STK38L: variants seen among roughly 807,000 people sequenced by gnomAD.
STK38L encodes serine/threonine-protein kinase 38-like.
Under a neutral mutation model 59.7 loss-of-function variants are expected in STK38L, and 28 were observed. The ratio of observed to expected loss-of-function variants is 0.47; its 90% confidence interval spans 0.35 to 0.64. The LOEUF (loss-of-function observed/expected upper bound fraction) is 0.64, where lower values mean the gene tolerates loss of function less well. Ranked by LOEUF, STK38L falls within the 30% of genes least tolerant of loss-of-function variation. The pLI is 0.01. For missense variants in STK38L, 314 were observed against 555.8 expected, an observed-to-expected ratio of 0.56 and a Z score of 4.37; for synonymous variants, 162 against 176.8, an observed-to-expected ratio of 0.92 and a Z score of 0.66.
chr12:27,300,978 A>C (rs1402635438), intron 2 of STK38L, among the ~76,000 whole-genome samples: 2 of 152,216 alleles, frequency 1.3e-5, no homozygotes, highest in Non-Finnish European at 2.9e-5. Context: ...CTGAAAAGTT[A>C]CTGTTATTCT....
At chr12:27,261,101 ACTTC>A (rs1314610676) in intron 1 of STK38L, among the ~76,000 whole-genome samples, 2 of 152,156 alleles carry the variant, frequency 1.3e-5, no homozygotes, top group African/African-American at 4.8e-5. Flanking sequence ...GTTTCCCAGT[ACTTC>A]CATTTATCAT....
chr12:27,246,683 TCTTC>T, intron 1 of STK38L, among the ~76,000 whole-genome samples: 1 of 152,326 alleles, frequency 6.6e-6, no homozygotes, highest in Non-Finnish European at 1.5e-5. Context: ...ATCCTCCTCT[TCTTC>T]CCCCCAAAAT....
At chr12:27,287,522 G>A (rs1943800665) in intron 1 of STK38L, among the ~76,000 whole-genome samples, 1 of 152,156 alleles carries the variant, frequency 6.6e-6, no homozygotes, top group Admixed American at 6.5e-5. Flanking sequence ...TTTGTAGAAT[G>A]AAATGTAGCA....
At chr12:27,315,485 C>T (rs557329948) in intron 9 of STK38L, 135 bp downstream of exon 9, 1 of 696,816 alleles carries the variant, frequency 1.4e-6, no homozygotes, top group East Asian at 2.9e-5. Context: ...TGGGATCACA[C>T]AGTTTTCTTA....
At chr12:27,271,825 G>A (rs1943430229) in intron 1 of STK38L, among the ~76,000 whole-genome samples, 2 of 152,120 alleles carry the variant, frequency 1.3e-5, no homozygotes, top group East Asian at 3.9e-4. Context: ...TCAGCCTCCC[G>A]AGTAGCTGGG....
intron 5 of STK38L, among the ~76,000 whole-genome samples, chr12:27,310,283 G>A (rs959966758): frequency 2.6e-5 from 4 of 152,100 alleles, no homozygotes; most frequent in African/African-American, 4.8e-5. Context: ...GAGAACTATA[G>A]ATAATGATGG....
intron 3 of STK38L, among the ~76,000 whole-genome samples, chr12:27,304,714 A>T (rs1669323215): frequency 6.6e-6 from 1 of 152,090 alleles, no homozygotes; most frequent in South Asian, 2.1e-4. Context: ...TTGATATAGA[A>T]ATCTTAAACA....
chr12:27,257,106 C>G (rs889745010), intron 1 of STK38L, among the ~76,000 whole-genome samples: 20 of 152,298 alleles, frequency 1.3e-4, no homozygotes, highest in Non-Finnish European at 2.2e-4. Flanking sequence ...GATGGAGAGA[C>G]TGACACAAAA....
At chr12:27,294,130 C>T (rs1943955993) in intron 1 of STK38L, among the ~76,000 whole-genome samples, 1 of 152,196 alleles carries the variant, frequency 6.6e-6, no homozygotes, top group Non-Finnish European at 1.5e-5. Flanking sequence ...CTATGAACTG[C>T]AATTTTATAT....
intron 3 of STK38L, among the ~76,000 whole-genome samples, chr12:27,306,748 CACACAT>C (rs1053301947): frequency 3.3e-5 from 5 of 150,014 alleles, no homozygotes; most frequent in African/African-American, 1.2e-4. Flanking sequence ...CACACACACA[CACACAT>C]ATATTTGAGA....
At chr12:27,300,703 A>T in intron 2 of STK38L, 1 of 440,664 alleles carries the variant, frequency 2.3e-6, no homozygotes, top group Non-Finnish European at 4.6e-6. Flanking sequence ...AAATCAGTGT[A>T]ATAAGCACCA....
chr12:27,259,333 C>G (rs921308421), intron 1 of STK38L, among the ~76,000 whole-genome samples: 6 of 152,160 alleles, frequency 3.9e-5, no homozygotes, highest in African/African-American at 9.7e-5. Context: ...AATTCCCATG[C>G]AGGCTCACAG....
intron 1 of STK38L, among the ~76,000 whole-genome samples, chr12:27,283,735 AT>A (rs1943709367): frequency 6.6e-6 from 1 of 152,228 alleles, no homozygotes; most frequent in African/African-American, 2.4e-5. Flanking sequence ...AAAATAGTGC[AT>A]TTTTATATTT....
intron 3 of STK38L, 34 bp downstream of exon 3, chr12:27,302,222 C>T (rs1319558500): frequency 2.7e-6 from 4 of 1,502,820 alleles, no homozygotes; most frequent in Middle Eastern, 1.7e-4. Context: ...TGTACAAAAG[C>T]ACCCCCAGTG....
intron 12 of STK38L, among the ~76,000 whole-genome samples, chr12:27,320,306 G>C (rs536222248): frequency 6.6e-6 from 1 of 151,914 alleles, no homozygotes; most frequent in African/African-American, 2.4e-5. Context: ...TCACTCTGTC[G>C]CCCAGGCTGG....
chr12:27,272,375 G>GT (rs1337232172), intron 1 of STK38L, among the ~76,000 whole-genome samples: 4 of 152,326 alleles, frequency 2.6e-5, no homozygotes, highest in African/African-American at 9.6e-5. Context: ...GCTAGGGTGT[G>GT]TATATTAGTG....
intron 1 of STK38L, among the ~76,000 whole-genome samples, chr12:27,268,130 A>G (rs1943338320): frequency 6.6e-6 from 1 of 151,742 alleles, no homozygotes; most frequent in African/African-American, 2.4e-5. Flanking sequence ...TTTTTTTTTA[A>G]TTATCCTGTA....
intron 1 of STK38L, among the ~76,000 whole-genome samples, chr12:27,264,683 A>G (rs1191569714): frequency 2.6e-5 from 4 of 152,194 alleles, no homozygotes; most frequent in Admixed American, 2.6e-4. Flanking sequence ...TATTAGAAGT[A>G]ATCTAGAGAT....
intron 2 of STK38L, among the ~76,000 whole-genome samples, chr12:27,300,176 T>C (rs1457029989): frequency 6.6e-6 from 1 of 152,226 alleles, no homozygotes; most frequent in African/African-American, 2.4e-5. Flanking sequence ...CCACTGTATG[T>C]CAAGTCGAAC....
Sources: allele counts gnomAD v4.1 joint callset (sites outside exome capture counted in the v4.1 genomes callset), GRCh38; gene constraint gnomAD v4.1.1; transcripts MANE v1.5; gene names NCBI Gene and HGNC (gene_info 2026-07-23, HGNC 2026-07-21).